The following STIMATE variants were observed in gnomAD, a reference collection of about 807,000 sequenced individuals.
STIMATE encodes the protein store-operated calcium entry regulator STIMATE.
A neutral mutation model predicts 36.7 loss-of-function variants in STIMATE; 15 were observed. The observed-to-expected ratio is 0.41, with a 90% confidence interval of 0.27 to 0.63. The LOEUF (loss-of-function observed/expected upper bound fraction) is 0.63, where lower values mean the gene tolerates loss of function less well. Among genes scored for constraint, STIMATE ranks in the 20% least tolerant of loss-of-function variants. STIMATE has a pLI of 0.32. For synonymous variants in STIMATE, 163 were observed against 162.3 expected (o/e 1.00, Z -0.03); for missense variants, 305 against 397.3 (o/e 0.77, Z 1.98).
intron 1 of STIMATE, among the ~76,000 whole-genome samples, chr3:52,889,467 C>G (rs2106732865): frequency 6.6e-6 from 1 of 152,334 alleles, no homozygotes; most frequent in Non-Finnish European, 1.5e-5. Flanking sequence ...TTGTTACTAT[C>G]CAAATGGAAG....
At chr3:52,890,142 T>C (rs1264354872) in intron 1 of STIMATE, among the ~76,000 whole-genome samples, 1 of 152,182 alleles carries the variant, frequency 6.6e-6, no homozygotes, top group East Asian at 1.9e-4. Flanking sequence ...GTGTTCAGGC[T>C]TCTACAATCC....
At chr3:52,877,193 C>T (rs1272301251) in intron 1 of STIMATE, among the ~76,000 whole-genome samples, 1 of 152,234 alleles carries the variant, frequency 6.6e-6, no homozygotes, top group Non-Finnish European at 1.5e-5. Flanking sequence ...GTGCCTGCCT[C>T]TGCCAGACCA....
intron 2 of STIMATE, 117 bp from the exon 3 acceptor site, chr3:52,852,815 A>C: frequency 7.7e-7 from 1 of 1,302,014 alleles, no homozygotes; most frequent in Non-Finnish European, 1.1e-6. Context: ...ATCACTGGTT[A>C]TCTCTTCCTG....
intron 1 of STIMATE, among the ~76,000 whole-genome samples, chr3:52,891,851 C>T (rs1326124282): frequency 2.0e-5 from 3 of 152,222 alleles, no homozygotes; most frequent in Non-Finnish European, 2.9e-5. Context: ...AGGATGAAGA[C>T]ACACCCCCAA....
At chr3:52,848,891 G>A (rs1379146155) in intron 4 of STIMATE, among the ~76,000 whole-genome samples, 1 of 152,172 alleles carries the variant, frequency 6.6e-6, no homozygotes, top group East Asian at 1.9e-4. Flanking sequence ...GAAAAGCCCT[G>A]CCCTGAGCTC....
intron 5 of STIMATE, 65 bp downstream of exon 5, chr3:52,844,764 T>C (rs1161060482): frequency 5.1e-6 from 8 of 1,578,180 alleles, no homozygotes; most frequent in Non-Finnish European, 7.0e-6. Context: ...CGTATGTGGG[T>C]GATGGGGAGG....
chr3:52,849,150 C>CA (rs1700955867), intron 4 of STIMATE, among the ~76,000 whole-genome samples: 1 of 152,202 alleles, frequency 6.6e-6, no homozygotes, highest in South Asian at 2.1e-4. Context: ...CCTCTCAAGG[C>CA]AAAGGCTCCA....
At chr3:52,895,952 A>G in intron 1 of STIMATE, 1 of 1,289,822 alleles carries the variant, frequency 7.8e-7, no homozygotes, top group Non-Finnish European at 1.0e-6. Context: ...GTCACAAATT[A>G]TTACTGTGGG....
chr3:52,885,904 G>T (rs992492046), intron 1 of STIMATE, among the ~76,000 whole-genome samples: 13 of 152,276 alleles, frequency 8.5e-5, no homozygotes, highest in African/African-American at 3.1e-4. Context: ...TCTGATATTT[G>T]CAAAGTTGCT....
At chr3:52,842,743 G>A (rs1209859423) in intron 7 of STIMATE, 68 bp downstream of exon 7, 1 of 1,603,930 alleles carries the variant, frequency 6.2e-7, no homozygotes, top group African/African-American at 1.3e-5. Context: ...ACACAGACAT[G>A]AGACCAGAGA....
intron 1 of STIMATE, among the ~76,000 whole-genome samples, chr3:52,864,952 CTTT>C (rs71615872): frequency 6.8e-6 from 1 of 146,704 alleles, no homozygotes; most frequent in Non-Finnish European, 1.5e-5. Flanking sequence ...TCTCTCTTTT[CTTT>C]TTTTTTTTTG....
chr3:52,871,457 G>C (rs1387223843), intron 1 of STIMATE, among the ~76,000 whole-genome samples: 1 of 152,068 alleles, frequency 6.6e-6, no homozygotes, highest in African/African-American at 2.4e-5. Context: ...GCCAGCACAC[G>C]ACCCTGGATT....
chr3:52,873,828 C>T (rs761953895), intron 1 of STIMATE, among the ~76,000 whole-genome samples: 4 of 152,188 alleles, frequency 2.6e-5, no homozygotes, highest in Non-Finnish European at 4.4e-5. Flanking sequence ...GTATCCTGGG[C>T]AGCTGGGGAA....
intron 1 of STIMATE, among the ~76,000 whole-genome samples, chr3:52,873,642 G>A (rs1014819311): frequency 6.6e-6 from 1 of 152,202 alleles, no homozygotes; most frequent in Non-Finnish European, 1.5e-5. Context: ...TAGGGGTGGG[G>A]TGGGAGGTGC....
chr3:52,860,079 G>A (rs1410810029), intron 1 of STIMATE, among the ~76,000 whole-genome samples: 7 of 142,046 alleles, frequency 4.9e-5, no homozygotes, highest in Admixed American at 3.5e-4. Flanking sequence ...TTTAAAGGAA[G>A]AGGAAATACT....
At chr3:52,895,711 G>T (rs1559501426) in intron 1 of STIMATE, among the ~76,000 whole-genome samples, 1 of 152,170 alleles carries the variant, frequency 6.6e-6, no homozygotes. Context: ...AACCCTAGGG[G>T]ACAAGCCGGG....
chr3:52,873,682 G>T (rs1490894687), intron 1 of STIMATE, among the ~76,000 whole-genome samples: 1 of 152,188 alleles, frequency 6.6e-6, no homozygotes, highest in Non-Finnish European at 1.5e-5. Context: ...TGCAGAATTT[G>T]ACCTAAGAGC....
chr3:52,854,637 C>T (rs983716457), intron 2 of STIMATE, among the ~76,000 whole-genome samples: 5 of 152,136 alleles, frequency 3.3e-5, no homozygotes, highest in South Asian at 2.1e-4. Flanking sequence ...TTTTATGAGC[C>T]GTTCTAGCAA....
intron 1 of STIMATE, among the ~76,000 whole-genome samples, chr3:52,887,392 C>T (rs1434677850): frequency 1.3e-5 from 2 of 152,234 alleles, no homozygotes; most frequent in Admixed American, 1.3e-4. Flanking sequence ...GACCCAGGCA[C>T]AGGCAGAGGC....
Sources: allele counts gnomAD v4.1 joint callset (sites outside exome capture counted in the v4.1 genomes callset), GRCh38; gene constraint gnomAD v4.1.1; transcripts MANE v1.5; gene names NCBI Gene and HGNC (gene_info 2026-07-23, HGNC 2026-07-21).